NREP: variants seen among roughly 807,000 people sequenced by gnomAD.
NREP encodes the protein neuronal regeneration related protein.
NREP carries 5 observed loss-of-function variants against 8.6 expected under a neutral mutation model. That is an observed-to-expected ratio of 0.58 (90% CI 0.30 to 1.22). NREP has a LOEUF of 1.22. Among genes scored for constraint, NREP ranks in the 50% most tolerant of loss-of-function variants. The probability of loss-of-function intolerance (pLI) is 0.07; values close to 1 mark genes in which losing one functional copy is unlikely to be tolerated. For missense variants in NREP, 86 were observed against 82.5 expected (o/e 1.04, Z -0.17); for synonymous variants, 27 against 28.0 (o/e 0.96, Z 0.11).
At chr5:111,898,325 T>C (rs529900855) in intron 2 of NREP, among the ~76,000 whole-genome samples, 53 of 152,146 alleles carry the variant, frequency 3.5e-4, no homozygotes, top group Non-Finnish European at 7.4e-5. Flanking sequence ...TTAAAAAGAC[T>C]CTGACTATAA....
At chr5:111,914,758 C>T (rs180965391) in intron 2 of NREP, among the ~76,000 whole-genome samples, 9 of 152,162 alleles carry the variant, frequency 5.9e-5, no homozygotes, top group African/African-American at 1.2e-4. Flanking sequence ...TGAAGTTCCA[C>T]AAAATGGAGT....
At chr5:111,934,620 C>A (rs1755630959) in intron 2 of NREP, among the ~76,000 whole-genome samples, 1 of 152,044 alleles carries the variant, frequency 6.6e-6, no homozygotes, top group African/African-American at 2.4e-5. Context: ...TCAGAGAATT[C>A]TCCTTGACTC....
intron 2 of NREP, among the ~76,000 whole-genome samples, chr5:111,802,677 T>G (rs550745810): frequency 6.6e-6 from 1 of 152,358 alleles, no homozygotes; most frequent in African/African-American, 2.4e-5. Flanking sequence ...CAACATGTCT[T>G]TCAGCACATG....
At chr5:111,743,366 T>C (rs893126495) in intron 2 of NREP, among the ~76,000 whole-genome samples, 2 of 152,114 alleles carry the variant, frequency 1.3e-5, no homozygotes, top group Non-Finnish European at 1.5e-5. Flanking sequence ...TCAAGAAATA[T>C]ATTAATTCAA....
At chr5:111,738,764 A>C (rs757098965) in intron 2 of NREP, 1 of 152,234 alleles carries the variant, frequency 6.6e-6, no homozygotes, top group Non-Finnish European at 1.5e-5. Flanking sequence ...GGGAAGTCCT[A>C]ACCACCAATA....
chr5:111,731,448 G>A (rs1163349608), intron 3 of NREP, among the ~76,000 whole-genome samples: 1 of 137,760 alleles, frequency 7.3e-6, no homozygotes, highest in East Asian at 2.0e-4. Context: ...AAAAAAAAGA[G>A]TCCAGTGGGT....
At chr5:111,945,213 T>G (rs1210285172) in intron 2 of NREP, among the ~76,000 whole-genome samples, 1 of 152,092 alleles carries the variant, frequency 6.6e-6, no homozygotes, top group Non-Finnish European at 1.5e-5. Flanking sequence ...AATGATAAAG[T>G]CTAATGCTTT....
At chr5:111,935,766 T>C (rs1284216210) in intron 2 of NREP, among the ~76,000 whole-genome samples, 1 of 152,088 alleles carries the variant, frequency 6.6e-6, no homozygotes, top group Non-Finnish European at 1.5e-5. Flanking sequence ...TACCATCCCC[T>C]TTCTATCATT....
At chr5:111,732,052 G>A (rs1246203351) in intron 3 of NREP, 1 of 151,816 alleles carries the variant, frequency 6.6e-6, no homozygotes, top group Non-Finnish European at 1.5e-5. Context: ...CATTTTCTTG[G>A]AAGAAATTAT....
At chr5:111,947,271 A>G (rs539311908) in intron 2 of NREP, among the ~76,000 whole-genome samples, 1 of 152,178 alleles carries the variant, frequency 6.6e-6, no homozygotes, top group African/African-American at 2.4e-5. Context: ...CTTGCTAGAG[A>G]AAAAACCTTT....
chr5:111,783,601 C>A (rs1047279430), intron 2 of NREP, among the ~76,000 whole-genome samples: 2 of 152,148 alleles, frequency 1.3e-5, no homozygotes, highest in Non-Finnish European at 2.9e-5. Context: ...TATTGATGTC[C>A]CTTCTCCATC....
chr5:111,820,175 C>T (rs897269019), intron 2 of NREP, among the ~76,000 whole-genome samples: 2 of 152,082 alleles, frequency 1.3e-5, no homozygotes, highest in Non-Finnish European at 2.9e-5. Context: ...TTTTAAACAG[C>T]AAAATCACCA....
intron 2 of NREP, among the ~76,000 whole-genome samples, chr5:111,928,420 A>C (rs986174586): frequency 6.6e-6 from 1 of 152,114 alleles, no homozygotes; most frequent in Non-Finnish European, 1.5e-5. Context: ...AAGCAGACTT[A>C]ATTTATGTCA....
At chr5:111,883,261 G>A (rs1475233735) in intron 2 of NREP, among the ~76,000 whole-genome samples, 4 of 152,192 alleles carry the variant, frequency 2.6e-5, no homozygotes, top group African/African-American at 7.2e-5. Context: ...TCAATTCAAT[G>A]AGAAGAGCTA....
intron 2 of NREP, among the ~76,000 whole-genome samples, chr5:111,879,178 C>G (rs554209969): frequency 6.6e-6 from 1 of 152,312 alleles, no homozygotes; most frequent in East Asian, 1.9e-4. Context: ...GACATGCTGG[C>G]TCCCCCCTTT....
chr5:111,803,923 G>C, intron 2 of NREP, among the ~76,000 whole-genome samples: 1 of 152,274 alleles, frequency 6.6e-6, no homozygotes, highest in Middle Eastern at 3.4e-3. Flanking sequence ...TGGATTAGGA[G>C]AATAAAGTCA....
chr5:111,770,681 C>T (rs1055168010), intron 2 of NREP, among the ~76,000 whole-genome samples: 2 of 146,646 alleles, frequency 1.4e-5, no homozygotes, highest in Non-Finnish European at 3.0e-5. Flanking sequence ...AGCCATTCTT[C>T]GACTTAGCCT....
intron 2 of NREP, among the ~76,000 whole-genome samples, chr5:111,876,737 A>G (rs1156278276): frequency 6.6e-6 from 1 of 152,260 alleles, no homozygotes; most frequent in Non-Finnish European, 1.5e-5. Flanking sequence ...AATTTTATTC[A>G]TAGTTTATTT....
intron 2 of NREP, among the ~76,000 whole-genome samples, chr5:111,975,112 T>C (rs1756925093): frequency 6.6e-6 from 1 of 151,984 alleles, no homozygotes; most frequent in Admixed American, 6.6e-5. Flanking sequence ...ACAAATGGGG[T>C]TTAGGAAATA....
Sources: gnomAD v4.1 joint callset for allele counts (sites outside exome capture counted in the v4.1 genomes callset) on GRCh38, gnomAD v4.1.1 for gene constraint, MANE v1.5 for transcripts, NCBI Gene and HGNC (gene_info 2026-07-23, HGNC 2026-07-21) for gene names.